INPP5A: variants seen among roughly 807,000 people sequenced by gnomAD.
INPP5A encodes inositol polyphosphate-5-phosphatase A.
In INPP5A, 14 loss-of-function variants were observed where a neutral mutation model predicts 65.2. That is an observed-to-expected ratio of 0.21 (90% CI 0.14 to 0.34). The LOEUF (loss-of-function observed/expected upper bound fraction) is 0.34. INPP5A is among the 10% of genes least tolerant of loss of function. The pLI is 1.00. For missense variants in INPP5A, 431 were observed against 545.6 expected, an observed-to-expected ratio of 0.79 and a Z score of 2.09; for synonymous variants, 207 against 208.3, an observed-to-expected ratio of 0.99 and a Z score of 0.05.
chr10:132,643,240 C>A (rs1340078745), intron 2 of INPP5A, among the ~76,000 whole-genome samples: 1 of 152,102 alleles, frequency 6.6e-6, no homozygotes, highest in African/African-American at 2.4e-5. Flanking sequence ...ACAAAATAAA[C>A]CTAAACACAT....
At chr10:132,541,264 C>T (rs1166561062) in intron 1 of INPP5A, among the ~76,000 whole-genome samples, 3 of 152,182 alleles carry the variant, frequency 2.0e-5, no homozygotes, top group East Asian at 3.9e-4. Context: ...AGGTGTGAGC[C>T]ACTGTCCCTG....
chr10:132,719,660 G>T (rs1167219487), intron 8 of INPP5A, among the ~76,000 whole-genome samples: 5 of 148,068 alleles, frequency 3.4e-5, no homozygotes, highest in African/African-American at 5.1e-5. Context: ...CCTGGGTTCT[G>T]TCTGGGCACC....
At chr10:132,654,851 C>T (rs1309820889) in intron 4 of INPP5A, among the ~76,000 whole-genome samples, 2 of 152,230 alleles carry the variant, frequency 1.3e-5, no homozygotes, top group Admixed American at 1.3e-4. Context: ...GGGGGGGACG[C>T]GGCTGAGGGG....
chr10:132,682,995 A>G (rs1182447763), intron 4 of INPP5A, among the ~76,000 whole-genome samples: 2 of 150,912 alleles, frequency 1.3e-5, no homozygotes, highest in Non-Finnish European at 2.9e-5. Context: ...CCACGTGTAC[A>G]CGTGTGTGTT....
chr10:132,728,152 C>T (rs1046222389), intron 9 of INPP5A, among the ~76,000 whole-genome samples: 7 of 152,216 alleles, frequency 4.6e-5, no homozygotes, highest in African/African-American at 9.6e-5. Context: ...ATTGCCTAAA[C>T]GTTCAGTGGC....
chr10:132,564,420 C>T (rs1210234562), intron 1 of INPP5A, among the ~76,000 whole-genome samples: 1 of 152,076 alleles, frequency 6.6e-6, no homozygotes, highest in African/African-American at 2.4e-5. Context: ...GGGTGAGTGA[C>T]AAATGGTTTT....
In INPP5A at chr10:132,745,087, G is replaced by A. The variant is rs3793676; in HGVS notation, c.733-4430G>A. ...AGGTGCATTTGCCTCTGCTCCAGGC[G>A]AGCTTGGGCGGTTCTGGGAGGGCCT... On this transcript the variant is annotated intron_variant, in intron 9 of 15. Coordinates refer to ENST00000368594, the MANE Select transcript of INPP5A (RefSeq NM_005539.5). 7.1e-4 allele frequency among the ~76,000 whole-genome samples: 108 copies of A among 152,324 alleles called. 1 individual carries two copies. The East Asian group carries it at 0.013, about 18-fold the overall frequency.
chr10:132,567,933 C>T (rs970854300), intron 1 of INPP5A, among the ~76,000 whole-genome samples: 1 of 152,066 alleles, frequency 6.6e-6, no homozygotes, highest in Non-Finnish European at 1.5e-5. Flanking sequence ...TGGCTCACGC[C>T]TGTAACCCCA....
In INPP5A at chr10:132,650,942, G is replaced by A. The variant is rs548166560; in HGVS notation, c.306+437G>A. Among the ~76,000 whole-genome samples, 8 of 152,306 alleles carry A rather than the reference G, an allele frequency of 5.3e-5. No individual in the cohort carries two copies. In the East Asian group the frequency reaches 1.5e-3, roughly 29 times the overall value. On this transcript the variant is annotated intron_variant, in intron 4 of 15. Transcript: ENST00000368594. The surrounding 1 kb of genome is among the most constrained non-coding windows in gnomAD (Gnocchi z 5.5). ...ATCCCTGAGTGTGCAGGGCTGGGGC[G>A]GTGTCCTGCCTCGGAGAGAGGCTGT...
chr10:132,722,626 C>G (rs909842258), intron 8 of INPP5A, among the ~76,000 whole-genome samples: 3 of 152,164 alleles, frequency 2.0e-5, no homozygotes, highest in Non-Finnish European at 2.9e-5. Context: ...TCTGCGGTGT[C>G]GTGAGGTCGC....
intron 7 of INPP5A, among the ~76,000 whole-genome samples, chr10:132,709,453 G>A (rs1845595992): frequency 6.6e-6 from 1 of 151,982 alleles, no homozygotes; most frequent in African/African-American, 2.4e-5. Context: ...AGAGGGAGCT[G>A]AGAAGGAGCC....
intron 4 of INPP5A, 63 bp from the exon 5 acceptor site, chr10:132,690,329 A>T (rs770943504): frequency 9.2e-7 from 1 of 1,081,882 alleles, no homozygotes. Context: ...TTATTGTTAA[A>T]AATGATCTTT....
chr10:132,780,767 C>T, intron 13 of INPP5A, 82 bp from the exon 14 acceptor site: 1 of 1,125,090 alleles, frequency 8.9e-7, no homozygotes, highest in East Asian at 2.3e-5. Context: ...CCACAAAACC[C>T]TGATGTTCCT....
intron 9 of INPP5A, among the ~76,000 whole-genome samples, chr10:132,728,490 C>T (rs947357665): frequency 3.3e-5 from 5 of 152,310 alleles, no homozygotes; most frequent in South Asian, 4.1e-4. Flanking sequence ...GTCATAGGCT[C>T]CTCCTCCACC....
rs1316117117 is a variant in INPP5A at position 132,555,562 on chromosome 10, C to G, written c.75+17391C>G. Among the ~76,000 whole-genome samples the G allele has an allele frequency of 2.6e-5, 4 of 152,092 alleles. No individual in the cohort carries two copies. The highest frequency in any genetic ancestry group is 9.7e-5 in the African/African-American group (4 of 41,396). Reference sequence around the variant, plus strand: ...GACCAGGAGCCTCTGGACAGTGGGGCCGTCCTGACTCGCCTCCTGAGAGCC... The same window carrying G: ...GACCAGGAGCCTCTGGACAGTGGGGGCGTCCTGACTCGCCTCCTGAGAGCC... On this transcript the variant is annotated intron_variant, in intron 1 of 15. Coordinates refer to ENST00000368594, the MANE Select transcript of INPP5A (RefSeq NM_005539.5). The surrounding 1 kb of genome is among the most constrained non-coding windows in gnomAD (Gnocchi z 4.4).
rs965038948 is a variant in INPP5A at position 132,547,725 on chromosome 10, GT to G, written c.75+9558del. The stretch of plus-strand genomic sequence containing the variant: ...GGGACGCCTCGCCTAGGCAAGCAGG[GT>G]TTTCCTCCTTCACGGGACAGCCCGC... On this transcript the variant is annotated intron_variant, in intron 1 of 15. Coordinates refer to ENST00000368594, the MANE Select transcript of INPP5A (RefSeq NM_005539.5). The surrounding 1 kb of genome is among the most constrained non-coding windows in gnomAD (Gnocchi z 5.5). Among the ~76,000 whole-genome samples the G allele has an allele frequency of 7.9e-5, 12 of 152,040 alleles. No individual in the cohort carries two copies. Among genetic ancestry groups the G allele is most frequent in the Admixed American group, 2.6e-4 (4 of 15,278 alleles).
rs1846747438 is a variant in INPP5A, at chr10:132,762,264, C to T, written c.904-3509C>T. Among the ~76,000 whole-genome samples, 1 of 152,146 alleles carries T rather than the reference C, an allele frequency of 6.6e-6. No individual in the cohort carries two copies. Among genetic ancestry groups the T allele is most frequent in the Non-Finnish European group, 1.5e-5 (1 of 68,026 alleles). On this transcript the variant is annotated intron_variant, in intron 11 of 15. Transcript: ENST00000368594. The surrounding 1 kb of genome is among the most constrained non-coding windows in gnomAD (Gnocchi z 4.6). ...TAAACCTCAGGAAGCATGGTGAGTC[C>T]TGAGCAGGAGGAATGGAAGTAAATC...
intron 9 of INPP5A, among the ~76,000 whole-genome samples, chr10:132,747,194 C>T (rs887522784): frequency 4.6e-5 from 7 of 152,258 alleles, no homozygotes; most frequent in Non-Finnish European, 7.3e-5. Context: ...AGCCCATTAG[C>T]ATCTGGATGG....
At chr10:132,729,848 C>T (rs1846051107) in intron 9 of INPP5A, among the ~76,000 whole-genome samples, 1 of 152,178 alleles carries the variant, frequency 6.6e-6, no homozygotes, top group Non-Finnish European at 1.5e-5. Flanking sequence ...GGGCTGTTTA[C>T]TTTGTGAACT....
Sources: gnomAD v4.1 joint callset for allele counts (sites outside exome capture counted in the v4.1 genomes callset) on GRCh38, gnomAD v4.1.1 for gene constraint, Gnocchi (gnomAD v3.1) non-coding constraint, MANE v1.5 for transcripts, NCBI Gene and HGNC (gene_info 2026-07-23, HGNC 2026-07-21) for gene names.